Variants in RANBP2 observed in about 807,000 individuals in gnomAD.
The protein encoded by RANBP2 is E3 SUMO-protein ligase RanBP2.
RANBP2 carries 57 observed loss-of-function variants against 303.6 expected under a neutral mutation model. That is an observed-to-expected ratio of 0.19 (90% CI 0.15 to 0.23). The LOEUF is 0.23. RANBP2 is among the 10% of genes least tolerant of loss of function. RANBP2 has a pLI of 1.00. For missense variants in RANBP2, 3,138 were observed against 3,780.8 expected (o/e 0.83, Z 4.46); for synonymous variants, 1,167 against 1,301.5 (o/e 0.90, Z 2.23).
the RANBP2 span, among the ~76,000 whole-genome samples, chr2:109,345,892 T>C: frequency 2.0e-5 from 3 of 152,200 alleles, no homozygotes; most frequent in African/African-American, 7.2e-5. Context: ...CCCTGGTCTT[T>C]ACTTGTTACA....
At chr2:109,178,157 T>C in the RANBP2 span, among the ~76,000 whole-genome samples, 2 of 152,176 alleles carry the variant, frequency 1.3e-5, no homozygotes, top group Admixed American at 6.5e-5. Flanking sequence ...TTTCTTAGGG[T>C]AAGGAAAAAA....
intron 12 of RANBP2, among the ~76,000 whole-genome samples, chr2:108,752,311 T>G (rs901801452): frequency 1.3e-5 from 2 of 152,008 alleles, no homozygotes; most frequent in African/African-American, 4.8e-5. Flanking sequence ...ATTATAGATC[T>G]TTCTATATAC....
chr2:108,739,414 CA>C (rs1250466054), intron 6 of RANBP2, among the ~76,000 whole-genome samples: 1 of 151,720 alleles, frequency 6.6e-6, no homozygotes, highest in African/African-American at 2.4e-5. Flanking sequence ...AAAACAAAAA[CA>C]AAAAAACTCA....
the RANBP2 span, among the ~76,000 whole-genome samples, chr2:109,382,693 C>T: frequency 6.6e-6 from 1 of 152,194 alleles, no homozygotes; most frequent in African/African-American, 2.4e-5. Flanking sequence ...TCAGAACAGC[C>T]TTAGGGGAAG....
At chr2:109,204,437 T>C in the RANBP2 span, among the ~76,000 whole-genome samples, 2 of 152,268 alleles carry the variant, frequency 1.3e-5, no homozygotes, top group African/African-American at 2.4e-5. Flanking sequence ...AAATCTGCTG[T>C]AGTTTTTGTT....
intron 18 of RANBP2, among the ~76,000 whole-genome samples, 186 bp from the exon 19 acceptor site, chr2:108,761,915 G>T (rs3872500): frequency 1.3e-5 from 2 of 151,936 alleles, no homozygotes; most frequent in African/African-American, 4.8e-5. Context: ...ATATTTAGCA[G>T]TTTTTTTCTA....
chr2:108,950,331 G>T, the RANBP2 span, among the ~76,000 whole-genome samples: 1 of 151,084 alleles, frequency 6.6e-6, no homozygotes, highest in Non-Finnish European at 1.5e-5. Context: ...GCTCACTGCA[G>T]CATCAAATTT....
intron 20 of RANBP2, chr2:108,769,412 A>G: frequency 1.0e-6 from 1 of 956,776 alleles, no homozygotes; most frequent in African/African-American, 1.8e-5. Context: ...AAGTATTAAT[A>G]ACTGTGGCTG....
chr2:109,031,333 A>G, the RANBP2 span, among the ~76,000 whole-genome samples: 1 of 152,134 alleles, frequency 6.6e-6, no homozygotes, highest in East Asian at 1.9e-4. Flanking sequence ...GGTGGGGTAG[A>G]GACGGGAACG....
At chr2:109,429,666 A>G in the RANBP2 span, among the ~76,000 whole-genome samples, 3 of 152,004 alleles carry the variant, frequency 2.0e-5, no homozygotes, top group African/African-American at 7.2e-5. Context: ...CCGCGCTGAC[A>G]GCTCCAGCAG....
At chr2:109,545,483 C>T in the RANBP2 span, 7 of 1,536,040 alleles carry the variant, frequency 4.6e-6, no homozygotes, top group South Asian at 2.4e-5. Flanking sequence ...TTTACGTCCA[C>T]CATTGGTTTC....
Position 108,766,472 on chromosome 2 carries a change from TATTCTC to T in RANBP2, c.5936_5941del (p.Phe1979_Ser1980del). The T allele has an allele frequency of 6.2e-7, 1 of 1,611,924 alleles. No individual in the cohort carries two copies. Among genetic ancestry groups the T allele is most frequent in the Non-Finnish European group, 8.5e-7 (1 of 1,179,834 alleles). On this transcript the variant is annotated inframe_deletion, in exon 20 of 29. Coordinates refer to ENST00000283195, the MANE Select transcript of RANBP2 (RefSeq NM_006267.5). ...GGATTTTCAGGTGCTGGAGAAAAAT[TATTCTC>T]ATCACAATACGGTAAAATGGCCAAT...
chr2:108,836,487 G>A, the RANBP2 span, among the ~76,000 whole-genome samples: 540 of 152,268 alleles, frequency 3.5e-3, 4 homozygotes, highest in Middle Eastern at 0.01. Context: ...ATCCTTTCAA[G>A]ACCCTGTTTT....
At chr2:108,812,990 C>G in the RANBP2 span, 1 of 1,379,734 alleles carries the variant, frequency 7.2e-7, no homozygotes, top group South Asian at 1.2e-5. Context: ...TGGCTCACAC[C>G]TGTAATCCCA....
At chr2:109,196,219 G>T in the RANBP2 span, among the ~76,000 whole-genome samples, 1 of 152,178 alleles carries the variant, frequency 6.6e-6, no homozygotes, top group African/African-American at 2.4e-5. Context: ...CCATGTCGGG[G>T]TGTTTGGGAC....
the RANBP2 span, among the ~76,000 whole-genome samples, chr2:108,985,402 G>A: frequency 2.0e-5 from 3 of 152,368 alleles, no homozygotes; most frequent in Admixed American, 6.5e-5. Context: ...AGTGAGTTAA[G>A]CTGGCATGAG....
At chr2:109,637,384 C>G in the RANBP2 span, among the ~76,000 whole-genome samples, 2 of 152,166 alleles carry the variant, frequency 1.3e-5, no homozygotes, top group Non-Finnish European at 2.9e-5. Flanking sequence ...AGGCTTTCCT[C>G]TTTTACTAAT....
chr2:109,105,179 A>G, the RANBP2 span, among the ~76,000 whole-genome samples: 144 of 152,340 alleles, frequency 9.5e-4, no homozygotes, highest in African/African-American at 3.1e-3. Flanking sequence ...CCACTTCCCA[A>G]TAAGATTTCA....
the RANBP2 span, among the ~76,000 whole-genome samples, chr2:109,312,581 G>C: frequency 6.9e-6 from 1 of 145,434 alleles, no homozygotes; most frequent in Non-Finnish European, 1.5e-5. Flanking sequence ...TTCTTTCTCT[G>C]TGAATTTGCC....
Sources: allele counts gnomAD v4.1 joint callset (sites outside exome capture counted in the v4.1 genomes callset), GRCh38; gene constraint gnomAD v4.1.1; transcripts MANE v1.5; gene names NCBI Gene and HGNC (gene_info 2026-07-23, HGNC 2026-07-21).